Variants in NR1I3 observed in about 807,000 individuals in gnomAD.
The protein encoded by NR1I3 is nuclear receptor subfamily 1 group I member 3, also known as constitutive activator of retinoid response.
A neutral mutation model predicts 38.4 loss-of-function variants in NR1I3; 30 were observed. The ratio of observed to expected loss-of-function variants is 0.78; its 90% CI spans 0.58 to 1.06. The LOEUF (loss-of-function observed/expected upper bound fraction) is 1.06, where lower values mean the gene tolerates loss of function less well. NR1I3 is among the 50% of genes least tolerant of loss of function. NR1I3 has a pLI of 0.00. For missense variants in NR1I3, 388 were observed against 435.7 expected (o/e 0.89, Z 0.97); for synonymous variants, 143 against 165.1 (o/e 0.87, Z 1.03).
intron 3 of NR1I3, among the ~76,000 whole-genome samples, chr1:161,234,644 A>G (rs1298396915): frequency 6.6e-6 from 1 of 152,034 alleles, no homozygotes; most frequent in Non-Finnish European, 1.5e-5. Context: ...TGACCTCAAC[A>G]ATCCTCTTGT....
At chr1:161,237,717 C>CA (rs1008012878) in intron 1 of NR1I3, among the ~76,000 whole-genome samples, 3 of 150,218 alleles carry the variant, frequency 2.0e-5, no homozygotes, top group South Asian at 2.1e-4. Context: ...GACTCCATCT[C>CA]AAAAAAAACC....
chr1:161,235,628 A>C, intron 3 of NR1I3: 1 of 478,934 alleles, frequency 2.1e-6, no homozygotes. Context: ...TAAAGGGGGA[A>C]GAGTATGAAA....
At chr1:161,235,365 C>A (rs1170496357) in intron 3 of NR1I3, 1 of 143,086 alleles carries the variant, frequency 7.0e-6, no homozygotes, top group Non-Finnish European at 1.5e-5. Context: ...CCCGGGTTCA[C>A]GCCATTCTCC....
At chr1:161,236,136 A>G in intron 2 of NR1I3, 159 bp from the exon 3 acceptor site, 2 of 806,802 alleles carry the variant, frequency 2.5e-6, no homozygotes, top group East Asian at 5.4e-5. Context: ...CATCTCAAGC[A>G]TTTCCATGGC....
chr1:161,231,722 C>T lies in NR1I3; in HGVS notation c.549-248G>A, dbSNP rs539105840. On this transcript the variant is annotated intron_variant, in intron 5 of 8. Coordinates refer to ENST00000367983, the MANE Select transcript of NR1I3 (RefSeq NM_005122.5). ...TCACCATGTTGGCCAGGCTGGTCTC[C>T]AACTACTGACCTCAGGTGATCCACC... 5.9e-5 allele frequency among the ~76,000 whole-genome samples: 9 copies of T among 151,634 alleles called. No homozygotes were observed. In the South Asian group the frequency reaches 1.9e-3, roughly 32 times the overall value.
chr1:161,238,106 A>G lies in NR1I3; in HGVS notation c.-99T>C. 6.2e-7 allele frequency: 1 copy of G among 1,610,836 alleles called. No homozygotes were observed. Among genetic ancestry groups the G allele is most frequent in the South Asian group, 1.1e-5 (1 of 90,934 alleles). Reference sequence around the variant, plus strand: ...TCTGGTATGGAATGCCTCTCCCCAAACTCCCACGCTGTTGCTGGTTTTCCT... The same window carrying G: ...TCTGGTATGGAATGCCTCTCCCCAAGCTCCCACGCTGTTGCTGGTTTTCCT... On this transcript the variant is annotated 5_prime_UTR_variant, in exon 1 of 9. Transcript: ENST00000367983.
rs758616441 is a variant in NR1I3 at position 161,232,822 on chromosome 1, T to C, written c.533A>G (p.Asp178Gly). The C allele has an allele frequency of 3.1e-6, 5 of 1,614,140 alleles. No homozygotes were observed. The African/African-American group carries it at 4.0e-5, about 13-fold the overall frequency. ...MVLQVIKFTK[D>G]LPVFRSLPIE... is the part of the protein sequence containing the mutation. ...GGTCACTCACCGGAAGACGGGCAGGTCCTTAGTAAACTTGATGACTTGCAG... is the reference window on the plus strand; with the variant it reads ...GGTCACTCACCGGAAGACGGGCAGGCCCTTAGTAAACTTGATGACTTGCAG... Residue 178 changes from aspartate to glycine, a missense_variant, in exon 5 of 9, where the codon GAC becomes GGC. By Grantham distance (94) the Asp-to-Gly change is moderately conservative. Coordinates refer to ENST00000367983, the MANE Select transcript of NR1I3 (RefSeq NM_005122.5).
At chr1:161,235,807 C>A in intron 3 of NR1I3, 40 bp downstream of exon 3, 1 of 1,612,596 alleles carries the variant, frequency 6.2e-7, no homozygotes, top group Non-Finnish European at 8.5e-7. Flanking sequence ...CAAAGACAGA[C>A]GCAGTCAATG....
intron 3 of NR1I3, 40 bp downstream of exon 3, chr1:161,235,807 C>T (rs370513498): frequency 5.8e-5 from 94 of 1,612,478 alleles, no homozygotes; most frequent in Admixed American, 1.0e-4. Context: ...CAAAGACAGA[C>T]GCAGTCAATG....
chr1:161,230,005 C>A (rs1394135437), intron 8 of NR1I3, 79 bp from the exon 9 acceptor site: 1 of 1,532,226 alleles, frequency 6.5e-7, no homozygotes, highest in Non-Finnish European at 9.0e-7. Context: ...AGGCCCTGAT[C>A]CCCTGAACTA....
intron 5 of NR1I3, among the ~76,000 whole-genome samples, chr1:161,232,581 A>T (rs901241649): frequency 9.2e-5 from 14 of 152,200 alleles, no homozygotes; most frequent in African/African-American, 3.4e-4. Context: ...TACTAGTGTG[A>T]GCCACTGCGC....
In NR1I3 at chr1:161,235,704, T is replaced by C. The variant is rs192810304; in HGVS notation, c.238+143A>G. 2.6e-5 allele frequency: 25 copies of C among 959,442 alleles called. No homozygotes were observed. In the East Asian group the frequency reaches 5.8e-4, roughly 22 times the overall value. 59.4% of individuals were successfully genotyped at this position (959,442 alleles called of 1,614,324 possible). On this transcript the variant is annotated intron_variant, in intron 3 of 8. Coordinates refer to ENST00000367983, the MANE Select transcript of NR1I3 (RefSeq NM_005122.5). ...TCACGTACTTTGAGATGGGGAGCCA[T>C]TGGATGTCTTGAGTGAATAGTGACA...
chr1:161,229,943 G>A lies in NR1I3; in HGVS notation c.918-17C>T. ...TACAGAAACCTTTGGAGGAAGTAGT[G>A]GGGTTGCCAGGAAAACAGGAGGGAA... On this transcript the variant is annotated splice_polypyrimidine_tract_variant and intron_variant, in intron 8 of 8. Coordinates refer to ENST00000367983, the MANE Select transcript of NR1I3 (RefSeq NM_005122.5). The A allele has an allele frequency of 6.2e-7, 1 of 1,613,914 alleles. No homozygotes were observed. The highest frequency in any genetic ancestry group is 1.1e-5 in the South Asian group (1 of 91,042).
At position 161,233,209 on chromosome 1, in the gene NR1I3, C is replaced by A. The variant is rs139473535; in HGVS notation, c.368G>T (p.Arg123Leu). The part of the protein sequence containing the change: ...LIRTLLGAHT[R>L]HMGTMFEQFV... ...CTGTTCAAACATGGTGCCCATGTGG[C>A]GGGTGTGGGCCCCCAGGAGTGTCCG... Residue 123 changes from arginine to leucine, a missense_variant, in exon 4 of 9, where the codon CGC becomes CTC. Physicochemically the swap from Arg to Leu is moderately radical, Grantham distance 102. Transcript: ENST00000367983. 2 of 1,614,216 alleles carry A rather than the reference C, an allele frequency of 1.2e-6. No homozygotes were observed. The highest frequency in any genetic ancestry group is 8.5e-7 in the Non-Finnish European group (1 of 1,180,028).
At position 161,231,412 on chromosome 1, in the gene NR1I3, A is replaced by G. The variant is rs762489220; in HGVS notation, c.611T>C (p.Ile204Thr). Residue 204 changes from isoleucine (I) to threonine (T), a missense_variant, in exon 6 of 9, where the codon ATC becomes ACC. Ile to Thr is a moderately conservative substitution (Grantham distance 89). Transcript: ENST00000367983. ...LKGAAVEICHIVLNTTFCLQT... is the reference protein window; with the variant it reads ...LKGAAVEICHTVLNTTFCLQT... ...GAGACAGAAAGTGGTATTGAGTACG[A>G]TGTGACAGATTTCCACAGCTGCTCC... The G allele has an allele frequency of 3.1e-5, 48 of 1,570,872 alleles. No individual in the cohort carries two copies. Among genetic ancestry groups the G allele is most frequent in the Non-Finnish European group, 3.9e-5 (45 of 1,165,690 alleles).
intron 1 of NR1I3, 122 bp from the exon 2 acceptor site, chr1:161,236,720 T>C: frequency 2.8e-6 from 2 of 707,614 alleles, no homozygotes; most frequent in Non-Finnish European, 4.1e-6. Context: ...GGCGTTATCT[T>C]TTGTGGTTTT....
Position 161,238,142 on chromosome 1 carries a change from G to T in NR1I3, c.-135C>A. 6.3e-7 allele frequency: 1 copy of T among 1,599,708 alleles called. No individual in the cohort carries two copies. The highest frequency in any genetic ancestry group is 8.6e-7 in the Non-Finnish European group (1 of 1,168,106). ...GTTGCTGGTTTTCCTCTGATCTCAG[G>T]AGTTGCCAGTGATTGGAGTTAGGGA... On this transcript the variant is annotated 5_prime_UTR_variant, in exon 1 of 9. Coordinates refer to ENST00000367983, the MANE Select transcript of NR1I3 (RefSeq NM_005122.5).
chr1:161,230,681 G>T, intron 8 of NR1I3, 132 bp downstream of exon 8: 2 of 1,169,566 alleles, frequency 1.7e-6, no homozygotes, highest in Non-Finnish European at 2.4e-6. Flanking sequence ...TGGCCAGGGG[G>T]AAGGACTAGA....
chr1:161,233,111 C>T, intron 4 of NR1I3, 58 bp downstream of exon 4: 7 of 1,597,942 alleles, frequency 4.4e-6, no homozygotes, highest in African/African-American at 2.7e-5. Flanking sequence ...CTCCTTCAGA[C>T]CAGCATTTTT....
Sources: gnomAD v4.1 joint callset for allele counts (sites outside exome capture counted in the v4.1 genomes callset) on GRCh38, gnomAD v4.1.1 for gene constraint, MANE v1.5 for transcripts, NCBI Gene and HGNC (gene_info 2026-07-23, HGNC 2026-07-21) for gene names.